EPB41L2: variants seen among roughly 807,000 people sequenced by gnomAD.
EPB41L2 encodes the protein band 4.1-like protein 2.
Under a neutral mutation model 113.0 loss-of-function variants are expected in EPB41L2, and 43 were observed. The observed-to-expected ratio is 0.38, with a 90% confidence interval of 0.30 to 0.49. The LOEUF (loss-of-function observed/expected upper bound fraction) is 0.49, where lower values mean the gene tolerates loss of function less well. EPB41L2 is among the 20% of genes least tolerant of loss of function. EPB41L2 has a pLI of 0.95. For missense variants in EPB41L2, 1,147 were observed against 1,223.4 expected, an observed-to-expected ratio of 0.94 and a Z score of 0.93; for synonymous variants, 442 against 436.7, an observed-to-expected ratio of 1.01 and a Z score of -0.15.
chr6:130,841,691 A>G (rs893894884), intron 19 of EPB41L2, among the ~76,000 whole-genome samples: 1 of 152,244 alleles, frequency 6.6e-6, no homozygotes, highest in Non-Finnish European at 1.5e-5. Flanking sequence ...AGAAGTAAGT[A>G]TAAGACAGGA....
chr6:130,901,019 G>T lies in EPB41L2; in HGVS notation c.1091C>A (p.Ala364Asp), dbSNP rs1176271871. The T allele has an allele frequency of 1.2e-6, 2 of 1,614,146 alleles. No individual in the cohort carries two copies. The highest frequency in any genetic ancestry group is 1.7e-5 in the Admixed American group (1 of 60,008). The stretch of plus-strand genomic sequence containing the variant: ...TTCCAGCTCCTTAGTCTGAGTAGGG[G>T]CAAACTGGAATTCACTGAGGTCGAT... ...GSIDLSEFQF[A>D]PTQTKELEEK... The change falls in exon 7 of 20, where the codon GCC (alanine) becomes GAC (aspartate). Residue 364 changes from alanine to aspartate, a missense_variant. Transcript: ENST00000337057.
intron 1 of EPB41L2, among the ~76,000 whole-genome samples, chr6:130,975,318 A>G (rs903768927): frequency 1.3e-5 from 2 of 152,230 alleles, no homozygotes; most frequent in African/African-American, 4.8e-5. Context: ...AAAATATTCA[A>G]GGAAGTTGGT....
intron 4 of EPB41L2, among the ~76,000 whole-genome samples, chr6:130,920,465 C>T (rs575121459): frequency 6.6e-6 from 1 of 152,276 alleles, no homozygotes; most frequent in Non-Finnish European, 1.5e-5. Flanking sequence ...CTTCTTTAAA[C>T]AACAATTTAC....
intron 1 of EPB41L2, among the ~76,000 whole-genome samples, chr6:131,002,246 T>G (rs1158363474): frequency 6.6e-6 from 1 of 152,114 alleles, no homozygotes; most frequent in Non-Finnish European, 1.5e-5. Context: ...GTCCTCAAAT[T>G]AGCCCCAAAT....
intron 1 of EPB41L2, among the ~76,000 whole-genome samples, chr6:131,052,619 G>GTA (rs1796791183): frequency 6.6e-6 from 1 of 152,100 alleles, no homozygotes; most frequent in African/African-American, 2.4e-5. Context: ...GTAAAAGAAA[G>GTA]TACATGTAAT....
intron 17 of EPB41L2, 90 bp downstream of exon 17, chr6:130,865,446 G>T: frequency 7.9e-7 from 1 of 1,264,402 alleles, no homozygotes; most frequent in Non-Finnish European, 1.1e-6. Flanking sequence ...TATCTTACTT[G>T]GAAGTGTGTA....
chr6:130,852,951 C>T (rs2128413219), intron 19 of EPB41L2, among the ~76,000 whole-genome samples: 1 of 152,312 alleles, frequency 6.6e-6, no homozygotes, highest in South Asian at 2.1e-4. Flanking sequence ...TTAAGTGAAA[C>T]ATCTCTGATG....
chr6:131,020,480 C>T (rs1217243636), intron 1 of EPB41L2, among the ~76,000 whole-genome samples: 1 of 152,170 alleles, frequency 6.6e-6, no homozygotes, highest in Non-Finnish European at 1.5e-5. Flanking sequence ...CCTTTTACAT[C>T]CTCCTTGACC....
At chr6:130,929,865 A>ACACACACG (rs1353505324) in intron 3 of EPB41L2, among the ~76,000 whole-genome samples, 5 of 136,784 alleles carry the variant, frequency 3.7e-5, no homozygotes, top group Non-Finnish European at 6.4e-5. Context: ...AGTCACACAC[A>ACACACACG]CACACACACA....
At chr6:130,953,688 G>A (rs1280006284) in intron 3 of EPB41L2, among the ~76,000 whole-genome samples, 2 of 152,044 alleles carry the variant, frequency 1.3e-5, no homozygotes, top group Non-Finnish European at 2.9e-5. Context: ...AAAAGAGGTG[G>A]CGTCTTTAGG....
chr6:130,860,661 T>C (rs950728264), intron 18 of EPB41L2, among the ~76,000 whole-genome samples: 3 of 152,108 alleles, frequency 2.0e-5, no homozygotes, highest in Non-Finnish European at 4.4e-5. Context: ...GCCTCCCGAA[T>C]AGCTGCGACT....
chr6:130,944,406 G>A (rs191725634), intron 3 of EPB41L2, among the ~76,000 whole-genome samples: 1 of 152,260 alleles, frequency 6.6e-6, no homozygotes, highest in African/African-American at 2.4e-5. Context: ...TATGGGGAGA[G>A]AGAAGAAAGT....
Position 130,899,564 on chromosome 6 carries a change from G to A in EPB41L2, c.1163C>T (p.Ala388Val). ...TTCTAAGAACTGGGAATCAGCTTGTGCTGGCGATAAGCCCCTGAGAATCAA... is the reference window on the plus strand; with the variant it reads ...TTCTAAGAACTGGGAATCAGCTTGTACTGGCGATAAGCCCCTGAGAATCAA... Reference protein sequence around the residue: ...LHKTHRGLSPAQADSQFLENA... With the variant: ...LHKTHRGLSPVQADSQFLENA... Residue 388 changes from alanine to valine, a missense_variant, in exon 8 of 20, where the codon GCA becomes GTA. Physicochemically the swap from Ala to Val is moderately conservative, Grantham distance 64. Coordinates refer to ENST00000337057, the MANE Select transcript of EPB41L2 (RefSeq NM_001431.4). 6.2e-7 allele frequency: 1 copy of A among 1,613,804 alleles called. No homozygotes were observed. Among genetic ancestry groups the A allele is most frequent in the South Asian group, 1.1e-5 (1 of 91,078 alleles).
chr6:130,885,655 A>G (rs770012672), intron 11 of EPB41L2, among the ~76,000 whole-genome samples: 23 of 152,188 alleles, frequency 1.5e-4, no homozygotes, highest in Non-Finnish European at 3.1e-4. Flanking sequence ...GAATCTATCT[A>G]TTGCAACAAA....
chr6:131,005,726 A>G (rs138297614), intron 1 of EPB41L2, among the ~76,000 whole-genome samples: 1 of 152,334 alleles, frequency 6.6e-6, no homozygotes, highest in East Asian at 1.9e-4. Context: ...TCCCACGGTC[A>G]TGCACCAAGA....
At chr6:130,927,333 G>A (rs1376622649) in intron 3 of EPB41L2, among the ~76,000 whole-genome samples, 1 of 152,036 alleles carries the variant, frequency 6.6e-6, no homozygotes, top group Admixed American at 6.6e-5. Context: ...TTTTTACCTT[G>A]AATATATATA....
At chr6:130,936,718 G>A (rs1808930432) in intron 3 of EPB41L2, among the ~76,000 whole-genome samples, 2 of 152,162 alleles carry the variant, frequency 1.3e-5, no homozygotes, top group African/African-American at 4.8e-5. Flanking sequence ...ATAACAATTA[G>A]AGTTAATATT....
chr6:130,948,119 T>C (rs1018908630), intron 3 of EPB41L2, among the ~76,000 whole-genome samples: 5 of 152,332 alleles, frequency 3.3e-5, no homozygotes, highest in Non-Finnish European at 5.9e-5. Flanking sequence ...ATTCTTATAA[T>C]GGCAATATTA....
At chr6:131,013,236 A>G (rs553640740) in intron 1 of EPB41L2, among the ~76,000 whole-genome samples, 2 of 51,330 alleles carry the variant, frequency 3.9e-5, no homozygotes, top group African/African-American at 2.3e-4. Flanking sequence ...TCAGTTAACT[A>G]AAGAAAAAAA....
Sources: gnomAD v4.1 joint callset for allele counts (sites outside exome capture counted in the v4.1 genomes callset) on GRCh38, gnomAD v4.1.1 for gene constraint, MANE v1.5 for transcripts, NCBI Gene and HGNC (gene_info 2026-07-23, HGNC 2026-07-21) for gene names.